NUP37: variants seen among roughly 807,000 people sequenced by gnomAD.
The protein encoded by NUP37 is nucleoporin 37, also known as nucleoporin Nup37.
NUP37 carries 33 observed loss-of-function variants against 45.4 expected under a neutral mutation model. The observed-to-expected ratio is 0.73, with a 90% CI of 0.55 to 0.97. The LOEUF (loss-of-function observed/expected upper bound fraction) is 0.97. NUP37 is among the 50% of genes least tolerant of loss of function. The pLI, the probability that NUP37 is intolerant of heterozygous loss-of-function variation, is 0.00. For synonymous variants in NUP37, 127 were observed against 130.7 expected, an observed-to-expected ratio of 0.97 and a Z score of 0.19; for missense variants, 365 against 389.7, an observed-to-expected ratio of 0.94 and a Z score of 0.53.
intron 2 of NUP37, among the ~76,000 whole-genome samples, chr12:102,114,576 G>C (rs540250513): frequency 2.2e-4 from 33 of 152,102 alleles, no homozygotes; most frequent in African/African-American, 7.2e-4. Flanking sequence ...ACAAGGTTTC[G>C]GCATATTTGA....
At chr12:102,102,174 C>A (rs1332761385) in intron 3 of NUP37, among the ~76,000 whole-genome samples, 1 of 152,140 alleles carries the variant, frequency 6.6e-6, no homozygotes, top group Non-Finnish European at 1.5e-5. Flanking sequence ...GAGTATCATA[C>A]ACAAATCTAA....
chr12:102,115,472 A>G (rs1357599884), intron 2 of NUP37, among the ~76,000 whole-genome samples: 2 of 152,234 alleles, frequency 1.3e-5, no homozygotes, highest in African/African-American at 2.4e-5. Flanking sequence ...ATATATGTTC[A>G]TGCTCCTCTG....
chr12:102,090,684 G>T (rs1345239425), intron 5 of NUP37, among the ~76,000 whole-genome samples: 1 of 152,088 alleles, frequency 6.6e-6, no homozygotes, highest in Non-Finnish European at 1.5e-5. Flanking sequence ...GAAGTATTCT[G>T]AATTAAGACT....
intron 3 of NUP37, among the ~76,000 whole-genome samples, chr12:102,108,498 T>C (rs931686461): frequency 1.4e-4 from 21 of 152,208 alleles, no homozygotes; most frequent in African/African-American, 5.1e-4. Context: ...AGACGCCTTA[T>C]TGTGGGACTT....
At chr12:102,118,776 T>C (rs1249932949) in intron 1 of NUP37, among the ~76,000 whole-genome samples, 193 bp from the exon 2 acceptor site, 4 of 152,240 alleles carry the variant, frequency 2.6e-5, no homozygotes, top group Admixed American at 6.5e-5. Context: ...GCTCCACAGC[T>C]CTTTCCCATA....
In NUP37 at chr12:102,112,217, C is replaced by T. The variant is rs150804566; in HGVS notation, c.172G>A (p.Val58Ile). The change falls in exon 3 of 10, where the codon GTT becomes ATT. Residue 58 changes from valine (V) to isoleucine (I), a missense_variant. Physicochemically the swap from Val to Ile is conservative, Grantham distance 29. Transcript: ENST00000552283. ...TCTFQEEEAD[V>I]EGIQYKTLRT... ...AGTGTTTTATACTGAATGCCTTCAA[C>T]GTCTGCTTCTTCTTCCTAAGCATAC... 188 of 1,612,478 alleles carry T rather than the reference C, an allele frequency of 1.2e-4. No individual in the cohort carries two copies. The highest frequency in any genetic ancestry group is 1.5e-4 in the Non-Finnish European group (179 of 1,178,846).
chr12:102,101,119 AC>A lies in NUP37; in HGVS notation c.282-16del. ...AAGTACAAAATCTGGAAGCAAAAAAACAAAAATATACCAATTTTTAGCCTTT... is the reference window on the plus strand; with the variant it reads ...AAGTACAAAATCTGGAAGCAAAAAAAAAAAATATACCAATTTTTAGCCTTT... On this transcript the variant is annotated splice_polypyrimidine_tract_variant and intron_variant, in intron 3 of 9. Coordinates refer to ENST00000552283, the MANE Select transcript of NUP37 (RefSeq NM_024057.4). The A allele has an allele frequency of 6.7e-7, 1 of 1,492,848 alleles. No individual in the cohort carries two copies. The highest frequency in any genetic ancestry group is 9.2e-7 in the Non-Finnish European group (1 of 1,091,274). 92.5% of individuals were successfully genotyped at this position (1,492,848 alleles called of 1,614,324 possible). A position where few individuals can be genotyped will look rare whatever the true frequency, so the allele number is the denominator to read the frequency against.
intron 5 of NUP37, among the ~76,000 whole-genome samples, chr12:102,097,747 A>G (rs61439127): frequency 2.6e-5 from 4 of 152,112 alleles, no homozygotes; most frequent in African/African-American, 2.4e-5. Flanking sequence ...GCCATTATTT[A>G]TTTCCAGTGA....
At chr12:102,087,886 G>C (rs117754089) in intron 5 of NUP37, among the ~76,000 whole-genome samples, 526 of 152,090 alleles carry the variant, frequency 3.5e-3, no homozygotes, top group Non-Finnish European at 6.0e-3. Flanking sequence ...AATAAAAACT[G>C]GTCAGTTAAT....
At position 102,074,604 on chromosome 12, in the gene NUP37, A is replaced by G. The variant is rs137892155; in HGVS notation, c.868-137T>C. ...AAAATTTAAAAATATGCTCCCTTAC[A>G]GGTGAAATACACATTATTGATACGC... On this transcript the variant is annotated intron_variant, in intron 9 of 9. Coordinates refer to ENST00000552283, the MANE Select transcript of NUP37 (RefSeq NM_024057.4). The G allele has an allele frequency of 1.2e-5, 7 of 600,414 alleles. No individual in the cohort carries two copies. The African/African-American group carries it at 1.3e-4, about 11-fold the overall frequency. 37.2% of individuals were successfully genotyped at this position (600,414 alleles called of 1,614,324 possible). A position where few individuals can be genotyped will look rare whatever the true frequency, so the allele number is the denominator to read the frequency against.
At position 102,090,368 on chromosome 12, in the gene NUP37, T is replaced by C. The variant is rs753777864; in HGVS notation, c.450-4512A>G. On this transcript the variant is annotated intron_variant, in intron 5 of 9. Coordinates refer to ENST00000552283, the MANE Select transcript of NUP37 (RefSeq NM_024057.4). Reference sequence around the variant, plus strand: ...GACAGATTTTTCTTTTTTCCCCCTATAGAAGTGCCAAGAATGAGAAGGCTA... The same window carrying C: ...GACAGATTTTTCTTTTTTCCCCCTACAGAAGTGCCAAGAATGAGAAGGCTA... Among the ~76,000 whole-genome samples, 25 of 152,298 alleles carry C rather than the reference T, an allele frequency of 1.6e-4. 1 individual carries two copies. Among genetic ancestry groups the C allele is most frequent in the East Asian group, 1.3e-3 (7 of 5,196 alleles).
intron 5 of NUP37, among the ~76,000 whole-genome samples, chr12:102,087,169 A>G (rs1879495494): frequency 6.6e-6 from 1 of 152,234 alleles, no homozygotes; most frequent in South Asian, 2.1e-4. Context: ...TCTAGGTTTT[A>G]TAGTTCATAT....
At chr12:102,074,541 T>C in intron 9 of NUP37, 74 bp from the exon 10 acceptor site, 1 of 856,402 alleles carries the variant, frequency 1.2e-6, no homozygotes. Context: ...CTTTCAAAAA[T>C]ATGAAATGCA....
intron 3 of NUP37, among the ~76,000 whole-genome samples, chr12:102,106,913 T>C (rs755147516): frequency 2.0e-5 from 3 of 152,188 alleles, no homozygotes; most frequent in Non-Finnish European, 2.9e-5. Flanking sequence ...GCCTCCCAGA[T>C]AGCATAAAGG....
intron 3 of NUP37, among the ~76,000 whole-genome samples, chr12:102,103,428 T>A (rs1383079720): frequency 6.6e-6 from 1 of 152,212 alleles, no homozygotes; most frequent in African/African-American, 2.4e-5. Context: ...GATTTTTGAA[T>A]GTTGATTTGT....
chr12:102,117,626 C>T (rs1273941335), intron 2 of NUP37, among the ~76,000 whole-genome samples: 1 of 152,010 alleles, frequency 6.6e-6, no homozygotes, highest in East Asian at 1.9e-4. Flanking sequence ...AGAGTGTTAC[C>T]ACTGCTCGTA....
At position 102,118,383 on chromosome 12, in the gene NUP37, T is replaced by C. The variant is rs1242601192; in HGVS notation, c.136A>G (p.Ile46Val). The stretch of plus-strand genomic sequence containing the variant: ...CTAACCTGAAACGTACACGTGCCAA[T>C]GACCACATAATTATTGCCACCATAT... The part of the protein sequence containing the change: ...IAYGGNNYVV[I>V]GTCTFQEEEA... Residue 46 changes from isoleucine (I) to valine (V), a missense_variant, in exon 2 of 10, where the codon ATT becomes GTT. Coordinates refer to ENST00000552283, the MANE Select transcript of NUP37 (RefSeq NM_024057.4). 1.2e-6 allele frequency: 2 copies of C among 1,613,814 alleles called. No homozygotes were observed. Among genetic ancestry groups the C allele is most frequent in the South Asian group, 2.2e-5 (2 of 91,018 alleles).
intron 6 of NUP37, among the ~76,000 whole-genome samples, chr12:102,082,477 G>A (rs928813051): frequency 4.6e-5 from 7 of 152,218 alleles, no homozygotes; most frequent in African/African-American, 1.7e-4. Flanking sequence ...TAGTATCAAC[G>A]ATGACCAGCA....
chr12:102,110,361 AGTGGTG>A (rs1301972178), intron 3 of NUP37, among the ~76,000 whole-genome samples: 24 of 149,026 alleles, frequency 1.6e-4, no homozygotes. Context: ...ATTAGCCGGG[AGTGGTG>A]GTGCATGCCT....
Sources: allele counts gnomAD v4.1 joint callset (sites outside exome capture counted in the v4.1 genomes callset), GRCh38; gene constraint gnomAD v4.1.1; transcripts MANE v1.5; gene names NCBI Gene and HGNC (gene_info 2026-07-23, HGNC 2026-07-21).